The following CUX1 variants were observed in gnomAD, a reference collection of about 807,000 sequenced individuals.
CUX1 encodes protein CASP.
A neutral mutation model predicts 158.8 loss-of-function variants in CUX1; 31 were observed. That is an observed-to-expected ratio of 0.20 (90% CI 0.15 to 0.26). CUX1 has a LOEUF of 0.26. CUX1 is among the 10% of genes least tolerant of loss of function. CUX1 has a pLI of 1.00. For missense variants in CUX1, 1,589 were observed against 2,014.6 expected (o/e 0.79, Z 4.04); for synonymous variants, 879 against 862.1 (o/e 1.02, Z -0.34).
intron 2 of CUX1, among the ~76,000 whole-genome samples, chr7:102,008,631 AC>A (rs891650881): frequency 6.6e-6 from 1 of 151,746 alleles, no homozygotes; most frequent in Non-Finnish European, 1.5e-5. Flanking sequence ...GAGCCTAAGA[AC>A]CCCAGGTCCC....
chr7:102,105,283 G>A (rs1830219270), intron 6 of CUX1, among the ~76,000 whole-genome samples: 4 of 151,124 alleles, frequency 2.6e-5, no homozygotes, highest in Admixed American at 2.0e-4. Flanking sequence ...TTTTGGTATT[G>A]CCTCTTTCAT....
chr7:101,962,948 T>C (rs970052900), intron 2 of CUX1, among the ~76,000 whole-genome samples: 7 of 152,194 alleles, frequency 4.6e-5, no homozygotes, highest in African/African-American at 1.2e-4. Context: ...CTCAAACTCC[T>C]GGCCTCAAGT....
intron 9 of CUX1, among the ~76,000 whole-genome samples, chr7:102,168,542 G>T (rs1215238918): frequency 6.6e-6 from 1 of 151,024 alleles, no homozygotes; most frequent in African/African-American, 2.4e-5. Flanking sequence ...TACTCAGGAG[G>T]CTGAGGCAGG....
Position 102,248,728 on chromosome 7 carries a change from C to G in CUX1, c.4204C>G (p.Leu1402Val), listed in dbSNP as rs1486903653. The G allele has an allele frequency of 2.7e-6, 3 of 1,124,494 alleles. No individual in the cohort carries two copies. The African/African-American group carries it at 5.1e-5, about 19-fold the overall frequency. The allele number at this position is 1,124,494 out of a possible 1,614,324, so 69.7% of individuals were successfully genotyped here. A position where few individuals can be genotyped will look rare whatever the true frequency, so the allele number is the denominator to read the frequency against. The change falls in exon 24 of 24, where the codon CTG (leucine) becomes GTG (valine). Residue 1402 changes from leucine (L) to valine (V), a missense_variant. Transcript: ENST00000292535. This position sits in a 1 kb window ranked among gnomAD's most constrained non-coding sequence, Gnocchi z 5.8. Reference sequence around the variant, plus strand: ...AGGCCCCGTGGAAGGCCCGGGGCCCCTGCCCAGCCCCGCCTCCGCGACCGC... The same window carrying G: ...AGGCCCCGTGGAAGGCCCGGGGCCCGTGCCCAGCCCCGCCTCCGCGACCGC... ...EGGPVEGPGP[L>V]PSPASATATA...
At chr7:102,002,611 C>T (rs1816817254) in intron 2 of CUX1, among the ~76,000 whole-genome samples, 1 of 152,228 alleles carries the variant, frequency 6.6e-6, no homozygotes, top group African/African-American at 2.4e-5. Context: ...TGTTGGACCA[C>T]AGTCTTCCAA....
Position 102,253,182 on chromosome 7 carries a change from T to C in CUX1, c.*4140T>C, listed in dbSNP as rs1273564014. 1.4e-5 allele frequency: 14 copies of C among 985,426 alleles called. No homozygotes were observed. Among genetic ancestry groups the C allele is most frequent in the Non-Finnish European group, 1.7e-5 (14 of 829,996 alleles). The allele number at this position is 985,426 out of a possible 1,614,324, so 61.0% of individuals were successfully genotyped here. A position where few individuals can be genotyped will look rare whatever the true frequency, so the allele number is the denominator to read the frequency against. On this transcript the variant is annotated 3_prime_UTR_variant, in exon 24 of 24. Coordinates refer to ENST00000292535, the MANE Select transcript of CUX1 (RefSeq NM_181552.4). ...CCTGTCTGATGTGGACGTTCAGGTC[T>C]GCTGGTTGGCGGTCCGGGCCCAGAG...
At chr7:101,816,435 C>G (rs1584618384), upstream of CUX1, among the ~76,000 whole-genome samples, 1 of 140,800 alleles carries the variant, frequency 7.1e-6, no homozygotes, top group African/African-American at 2.5e-5. Flanking sequence ...GCCGCCGCCG[C>G]CGTTGCCGCC....
intron 20 of CUX1, among the ~76,000 whole-genome samples, chr7:102,220,091 G>C (rs1797658820): frequency 6.6e-6 from 1 of 152,168 alleles, no homozygotes; most frequent in Non-Finnish European, 1.5e-5. Context: ...CGGGCACAGT[G>C]GGATCACACC....
intron 17 of CUX1, chr7:102,277,880 A>G (rs1475846021): frequency 2.1e-6 from 2 of 945,516 alleles, no homozygotes; most frequent in Non-Finnish European, 1.6e-6. Context: ...GGCTCCAGGT[A>G]GACGGAGCAG....
At chr7:102,145,885 T>G (rs918303649) in intron 8 of CUX1, among the ~76,000 whole-genome samples, 3 of 152,106 alleles carry the variant, frequency 2.0e-5, no homozygotes, top group Non-Finnish European at 4.4e-5. Context: ...AGGCAGAGGT[T>G]GCGGTGAGTC....
rs1460017945 is a variant in CUX1 at position 101,869,516 on chromosome 7, G to A, written c.31-46599G>A. On this transcript the variant is annotated intron_variant, in intron 1 of 23. Transcript: ENST00000292535. This position sits in a 1 kb window ranked among gnomAD's most constrained non-coding sequence, Gnocchi z 4.5. ...GCAAGAGCTGGAGGCCCAGGGCTGA[G>A]GCTGTGGGGTGAGCACAGCATTTGC... 6.6e-6 allele frequency among the ~76,000 whole-genome samples: 1 copy of A among 152,154 alleles called. No individual in the cohort carries two copies. The highest frequency in any genetic ancestry group is 1.5e-5 in the Non-Finnish European group (1 of 68,020).
At chr7:102,245,604 T>C (rs1554536607) in intron 23 of CUX1, among the ~76,000 whole-genome samples, 1 of 152,200 alleles carries the variant, frequency 6.6e-6, no homozygotes, top group East Asian at 1.9e-4. Context: ...ATACATTTAA[T>C]ACCTTATTTA....
intron 21 of CUX1, chr7:102,282,629 C>T: frequency 6.8e-7 from 1 of 1,468,276 alleles, no homozygotes; most frequent in African/African-American, 1.4e-5. Flanking sequence ...CTTTATGTTC[C>T]AGGCCAGGCC....
chr7:101,878,437 G>A (rs1273835045), intron 1 of CUX1, among the ~76,000 whole-genome samples: 3 of 152,204 alleles, frequency 2.0e-5, no homozygotes, highest in African/African-American at 7.2e-5. Context: ...TTGCCGCTAA[G>A]GCTGGCAAGG....
intron 2 of CUX1, among the ~76,000 whole-genome samples, chr7:101,978,762 C>T (rs1043404474): frequency 6.6e-6 from 1 of 152,254 alleles, no homozygotes; most frequent in African/African-American, 2.4e-5. Flanking sequence ...CTTCCACTTT[C>T]TTCCACCTGG....
At chr7:102,101,954 G>GA (rs1563244565) in intron 5 of CUX1, among the ~76,000 whole-genome samples, 3 of 151,794 alleles carry the variant, frequency 2.0e-5, no homozygotes, top group African/African-American at 7.3e-5. Context: ...ATGTTTACAC[G>GA]AGAGTGTAGA....
At chr7:102,039,749 C>A (rs971326659) in intron 3 of CUX1, among the ~76,000 whole-genome samples, 2 of 152,100 alleles carry the variant, frequency 1.3e-5, no homozygotes, top group African/African-American at 4.8e-5. Flanking sequence ...CTAACCAGCC[C>A]CTCCTAGACA....
chr7:102,239,738 T>TC lies in CUX1; in HGVS notation c.3887+154_3887+155insC, dbSNP rs879981827. 8.8e-3 allele frequency among the ~76,000 whole-genome samples: 1,313 copies of TC among 148,848 alleles called. 7 individuals are homozygous for TC. The highest frequency in any genetic ancestry group is 0.014 in the Non-Finnish European group (941 of 66,308). ...CCGTTCCTTGGTCCCTTAGGGTTTT[T>TC]TTTTTCTTTTCTTTTCTTTTCTTTT... On this transcript the variant is annotated intron_variant, in intron 23 of 23. Coordinates refer to ENST00000292535, the MANE Select transcript of CUX1 (RefSeq NM_181552.4).
intron 2 of CUX1, among the ~76,000 whole-genome samples, chr7:101,969,359 C>CAAAAAAAAAAAAAAAAAAAAAAACAG (rs1811641271): frequency 1.8e-5 from 1 of 56,112 alleles, no homozygotes; most frequent in Non-Finnish European, 3.2e-5. Context: ...CAAAAAACAG[C>CAAAAAAAAAAAAAAAAAAAAAAACAG]AAAAAAAAAA....
Sources: gnomAD v4.1 joint callset for allele counts (sites outside exome capture counted in the v4.1 genomes callset) on GRCh38, gnomAD v4.1.1 for gene constraint, Gnocchi (gnomAD v3.1) non-coding constraint, MANE v1.5 for transcripts, NCBI Gene and HGNC (gene_info 2026-07-23, HGNC 2026-07-21) for gene names.